Variants in MMP24 observed in about 807,000 individuals in gnomAD.
MMP24 encodes matrix metallopeptidase 24.
Under a neutral mutation model 62.8 loss-of-function variants are expected in MMP24, and 25 were observed. That is an observed-to-expected ratio of 0.40 (90% CI 0.29 to 0.56). The LOEUF is 0.56. Ranked by LOEUF, MMP24 falls within the 20% of genes least tolerant of loss-of-function variation. MMP24 has a pLI of 0.50. For synonymous variants in MMP24, 319 were observed against 350.5 expected (o/e 0.91, Z 1.00); for missense variants, 634 against 853.6 (o/e 0.74, Z 3.21).
chr20:35,265,276 A>G (rs1330160510), intron 5 of MMP24, among the ~76,000 whole-genome samples: 1 of 151,980 alleles, frequency 6.6e-6, no homozygotes, highest in Non-Finnish European at 1.5e-5. Context: ...CCCTGTCTCT[A>G]CTAAAAATAC....
At chr20:35,243,273 T>A (rs919446413) in intron 1 of MMP24, among the ~76,000 whole-genome samples, 1 of 152,110 alleles carries the variant, frequency 6.6e-6, no homozygotes, top group African/African-American at 2.4e-5. Flanking sequence ...TTAGCTTAAA[T>A]CTCATCTCTA....
chr20:35,229,636 T>C (rs112467099), intron 1 of MMP24, among the ~76,000 whole-genome samples: 10 of 152,304 alleles, frequency 6.6e-5, no homozygotes, highest in African/African-American at 2.4e-4. Flanking sequence ...GCAGATAATA[T>C]TGCTTACTCC....
intron 1 of MMP24, among the ~76,000 whole-genome samples, chr20:35,227,508 G>C (rs899664428): frequency 6.6e-6 from 1 of 151,932 alleles, no homozygotes; most frequent in Non-Finnish European, 1.5e-5. Flanking sequence ...AGCGGGAGTG[G>C]GGGTTGCAAG....
At chr20:35,232,117 T>A (rs774095233) in intron 1 of MMP24, among the ~76,000 whole-genome samples, 1 of 152,230 alleles carries the variant, frequency 6.6e-6, no homozygotes, top group Non-Finnish European at 1.5e-5. Flanking sequence ...CTGCCCACTA[T>A]ACAAGTTTCC....
At position 35,275,878 on chromosome 20, in the gene MMP24, T is replaced by C. The variant is rs150575439; in HGVS notation, c.*1269T>C. 3.8e-4 allele frequency: 151 copies of C among 397,418 alleles called. No individual in the cohort carries two copies. In the East Asian group the frequency reaches 5.3e-3, roughly 14 times the overall value. The allele number at this position is 397,418 out of a possible 1,614,324, so 24.6% of individuals were successfully genotyped here. A position where few individuals can be genotyped will look rare whatever the true frequency, so the allele number is the denominator to read the frequency against. On this transcript the variant is annotated 3_prime_UTR_variant, in exon 9 of 9. Transcript: ENST00000246186. ...AGCCCCAAGCTGAGGGGGCTCCCTT[T>C]TTGACCTTCACTGGCCCGCCCTTCA...
chr20:35,227,154 G>T (rs1488713733), intron 1 of MMP24, among the ~76,000 whole-genome samples, 170 bp downstream of exon 1: 1 of 150,854 alleles, frequency 6.6e-6, no homozygotes, highest in Non-Finnish European at 1.5e-5. Context: ...GGCGGGGGCT[G>T]GGGAGGGCCT....
chr20:35,245,959 A>T (rs1356131872), intron 1 of MMP24, among the ~76,000 whole-genome samples: 2 of 152,050 alleles, frequency 1.3e-5, no homozygotes, highest in East Asian at 3.8e-4. Flanking sequence ...CACATGATTT[A>T]TTTATATTTA....
At chr20:35,258,494 T>A (rs77092073) in intron 4 of MMP24, among the ~76,000 whole-genome samples, 65 of 152,270 alleles carry the variant, frequency 4.3e-4, no homozygotes, top group Non-Finnish European at 7.8e-4. Context: ...ATATATTTGT[T>A]GAAGAAACTG....
intron 2 of MMP24, among the ~76,000 whole-genome samples, chr20:35,249,326 AT>A (rs1386358889): frequency 6.6e-6 from 1 of 152,166 alleles, no homozygotes; most frequent in Non-Finnish European, 1.5e-5. Context: ...TTAAAGTCCT[AT>A]GTTTGAGTGT....
chr20:35,268,699 C>T (rs1334169479), intron 6 of MMP24, among the ~76,000 whole-genome samples: 3 of 152,228 alleles, frequency 2.0e-5, no homozygotes, highest in Non-Finnish European at 4.4e-5. Flanking sequence ...TAGGCAGGTC[C>T]GGGTTTTATC....
intron 4 of MMP24, 89 bp from the exon 5 acceptor site, chr20:35,263,702 G>A (rs1275533921): frequency 4.2e-6 from 5 of 1,192,390 alleles, no homozygotes; most frequent in Admixed American, 3.3e-5. Flanking sequence ...CACAGGGCCC[G>A]TGCTCGGTGT....
At chr20:35,266,878 G>C (rs79614490) in intron 5 of MMP24, among the ~76,000 whole-genome samples, 1,609 of 152,188 alleles carry the variant, frequency 0.011, 20 homozygotes, top group African/African-American at 0.036. Flanking sequence ...ATAAATGAAG[G>C]GGGTGAGGAA....
intron 4 of MMP24, among the ~76,000 whole-genome samples, chr20:35,259,606 G>A (rs1053174505): frequency 6.6e-6 from 1 of 152,214 alleles, no homozygotes; most frequent in Non-Finnish European, 1.5e-5. Flanking sequence ...TATTCCAGGG[G>A]AAGGGGCAGC....
In MMP24 at chr20:35,274,103, C is replaced by T. The variant is rs1286623688; in HGVS notation, c.1601-169C>T. On this transcript the variant is annotated intron_variant, in intron 8 of 8. Transcript: ENST00000246186. The surrounding 1 kb of genome is among the most constrained non-coding windows in gnomAD (Gnocchi z 5.1). ...CGGACCACTCCAGGTCCCGGGTGCCCCCCTCTGCAGCTTCTTACTCCATGA... is the reference window on the plus strand; with the variant it reads ...CGGACCACTCCAGGTCCCGGGTGCCTCCCTCTGCAGCTTCTTACTCCATGA... Among the ~76,000 whole-genome samples, 1 of 152,146 alleles carries T rather than the reference C, an allele frequency of 6.6e-6. No homozygotes were observed. Among genetic ancestry groups the T allele is most frequent in the Non-Finnish European group, 1.5e-5 (1 of 68,022 alleles).
Position 35,266,727 on chromosome 20 carries a change from C to G in MMP24, c.980-478C>G, listed in dbSNP as rs186921605. Among the ~76,000 whole-genome samples, 242 of 152,364 alleles carry G rather than the reference C, an allele frequency of 1.6e-3. 4 individuals are homozygous for G. Among genetic ancestry groups the G allele is most frequent in the Admixed American group, 0.016 (241 of 15,304 alleles). ...ACTCTCAGGCCCCACCCCAGGCCCT[C>G]TGAGCCCTCATCTGCATTTTAGCAA... is the stretch of plus-strand genomic sequence containing the variant. On this transcript the variant is annotated intron_variant, in intron 5 of 8. Coordinates refer to ENST00000246186, the MANE Select transcript of MMP24 (RefSeq NM_006690.4).
chr20:35,246,889 C>T lies in MMP24; in HGVS notation c.296C>T (p.Ser99Phe), dbSNP rs777690275. The T allele has an allele frequency of 2.5e-6, 4 of 1,613,920 alleles. No homozygotes were observed. In the African/African-American group the frequency reaches 5.3e-5, roughly 22 times the overall value. ...GYLLPYDSRA[S>F]ALHSAKALQS... ...CTGCTTCCCTATGACTCACGGGCAT[C>T]TGCGCTGCACTCAGCGAAGGCCTTG... is the stretch of plus-strand genomic sequence containing the variant. Residue 99 changes from serine (S) to phenylalanine (F), a missense_variant, in exon 2 of 9, where the codon TCT becomes TTT. This residue lies in a region of MMP24 where 212 missense variants were observed against 259.6 expected (regional missense o/e 0.82). Coordinates refer to ENST00000246186, the MANE Select transcript of MMP24 (RefSeq NM_006690.4).
chr20:35,240,474 G>C (rs753332141), intron 1 of MMP24, among the ~76,000 whole-genome samples: 2 of 152,084 alleles, frequency 1.3e-5, no homozygotes, highest in Non-Finnish European at 2.9e-5. Context: ...GTAAAGGTTA[G>C]ACTTCTGACG....
intron 8 of MMP24, among the ~76,000 whole-genome samples, chr20:35,273,014 A>T (rs1331786206): frequency 6.6e-6 from 1 of 152,088 alleles, no homozygotes; most frequent in African/African-American, 2.4e-5. Flanking sequence ...GGATTCATTC[A>T]CTCACTCCAT....
At chr20:35,249,144 C>T (rs1448505986) in intron 2 of MMP24, among the ~76,000 whole-genome samples, 1 of 152,170 alleles carries the variant, frequency 6.6e-6, no homozygotes, top group Non-Finnish European at 1.5e-5. Context: ...GGGGAGTGTT[C>T]AGGGTAGAAT....
Sources: allele counts gnomAD v4.1 joint callset (sites outside exome capture counted in the v4.1 genomes callset), GRCh38; gene constraint gnomAD v4.1.1; regional missense constraint gnomAD v4.1.1; non-coding constraint Gnocchi (gnomAD v3.1); transcripts MANE v1.5; gene names NCBI Gene and HGNC (gene_info 2026-07-23, HGNC 2026-07-21).